Variants in MYBL1 observed in about 807,000 individuals in gnomAD.
MYBL1 encodes the protein myb-related protein A.
In MYBL1, 17 loss-of-function variants were observed where a neutral mutation model predicts 96.3. That is an observed-to-expected ratio of 0.18 (90% CI 0.12 to 0.26). The LOEUF (loss-of-function observed/expected upper bound fraction) is 0.26, where lower values mean the gene tolerates loss of function less well. Ranked by LOEUF, MYBL1 falls within the 10% of genes least tolerant of loss-of-function variation. The pLI is 1.00. For missense variants in MYBL1, 701 were observed against 882.9 expected (o/e 0.79, Z 2.61); for synonymous variants, 282 against 292.7 (o/e 0.96, Z 0.37).
intron 1 of MYBL1, among the ~76,000 whole-genome samples, chr8:66,605,540 G>A (rs1810278771): frequency 1.3e-5 from 2 of 152,160 alleles, no homozygotes; most frequent in African/African-American, 4.8e-5. Flanking sequence ...GAAATACAAG[G>A]CCAGGCGCAG....
At position 66,576,116 on chromosome 8, in the gene MYBL1, C is replaced by T. The variant is rs760647023; in HGVS notation, c.1361G>A (p.Arg454Gln). The T allele has an allele frequency of 4.9e-5, 79 of 1,613,934 alleles. 1 individual carries two copies. In the South Asian group the frequency reaches 7.1e-4, roughly 15 times the overall value. ...TTCGCTGCCTGGGGAATGACCCACT[C>T]GCATTTTTCTCTTCTTTCTGAGGAT... ...PAILRKKRKM[R>Q]VGHSPGSELR... is the part of the protein sequence containing the mutation. The change falls in exon 10 of 16, where the codon CGA (arginine) becomes CAA (glutamine). Residue 454 changes from arginine to glutamine, a missense_variant. Coordinates refer to ENST00000522677, the MANE Select transcript of MYBL1 (RefSeq NM_001080416.4).
At chr8:66,573,343 A>G in intron 11 of MYBL1, 21 bp downstream of exon 11, 2 of 1,585,272 alleles carry the variant, frequency 1.3e-6, no homozygotes, top group Non-Finnish European at 1.7e-6. Flanking sequence ...TCTCTAACAC[A>G]ATTATTTAAT....
At chr8:66,610,486 C>A (rs538994468) in intron 1 of MYBL1, among the ~76,000 whole-genome samples, 2 of 151,828 alleles carry the variant, frequency 1.3e-5, no homozygotes, top group African/African-American at 4.8e-5. Flanking sequence ...TTTTATACAG[C>A]AAAGTATAGT....
intron 1 of MYBL1, among the ~76,000 whole-genome samples, chr8:66,603,088 A>G (rs1432232931): frequency 6.6e-6 from 1 of 152,074 alleles, no homozygotes; most frequent in Non-Finnish European, 1.5e-5. Flanking sequence ...GAGGTTGGAT[A>G]TGCCACTACG....
rs1255761216 is a variant in MYBL1, at chr8:66,613,034, C to T, written c.-196G>A. 2 of 503,788 alleles carry T rather than the reference C, an allele frequency of 4.0e-6. No individual in the cohort carries two copies. The highest frequency in any genetic ancestry group is 6.3e-6 in the Non-Finnish European group (2 of 318,516). The allele number at this position is 503,788 out of a possible 1,614,324, so 31.2% of individuals were successfully genotyped here. A position where few individuals can be genotyped will look rare whatever the true frequency, so the allele number is the denominator to read the frequency against. ...GCGGACCGCGACCCGACCCCGACCC[C>T]GGCCCGCAGCGCCGCTCTTAGCCCC... On this transcript the variant is annotated 5_prime_UTR_variant, in exon 1 of 16. Coordinates refer to ENST00000522677, the MANE Select transcript of MYBL1 (RefSeq NM_001080416.4).
intron 8 of MYBL1, among the ~76,000 whole-genome samples, chr8:66,582,733 A>C (rs1809267312): frequency 6.6e-6 from 1 of 151,042 alleles, no homozygotes; most frequent in African/African-American, 2.4e-5. Context: ...AAAAAAAAAA[A>C]ACCCTATAAA....
At chr8:66,568,980 C>T (rs768151120) in intron 12 of MYBL1, among the ~76,000 whole-genome samples, 8 of 152,062 alleles carry the variant, frequency 5.3e-5, no homozygotes, top group East Asian at 3.9e-4. Flanking sequence ...GCCGAGATCG[C>T]GCCACTACAC....
intron 9 of MYBL1, among the ~76,000 whole-genome samples, chr8:66,577,319 C>T (rs1409732647): frequency 6.7e-6 from 1 of 148,306 alleles, no homozygotes; most frequent in African/African-American, 2.5e-5. Context: ...GATTGTATAT[C>T]TAGAAAACCC....
intron 3 of MYBL1, among the ~76,000 whole-genome samples, chr8:66,599,595 G>A (rs1318628495): frequency 6.6e-6 from 1 of 152,186 alleles, no homozygotes; most frequent in African/African-American, 2.4e-5. Flanking sequence ...GAGGTCTGGA[G>A]TTCGAGACCA....
intron 10 of MYBL1, 103 bp from the exon 11 acceptor site, chr8:66,573,609 A>G (rs928446265): frequency 6.8e-5 from 71 of 1,038,924 alleles, no homozygotes; most frequent in Admixed American, 2.9e-4. Context: ...TACCTCTTAA[A>G]AAAAGCTTAT....
intron 12 of MYBL1, among the ~76,000 whole-genome samples, chr8:66,568,305 A>T (rs924093546): frequency 1.3e-5 from 2 of 151,992 alleles, no homozygotes; most frequent in Admixed American, 1.3e-4. Flanking sequence ...TTGAGATGGA[A>T]TCTTGCTCTG....
rs1042490416 is a variant in MYBL1 at position 66,563,499 on chromosome 8, A to G, written c.*1198T>C. On this transcript the variant is annotated 3_prime_UTR_variant, in exon 16 of 16. Transcript: ENST00000522677. ...ACTGTTGTAACCTGTAGAGAAACACAAAACATTTAAAAAAGGACAAAATAT... is the reference window on the plus strand; with the variant it reads ...ACTGTTGTAACCTGTAGAGAAACACGAAACATTTAAAAAAGGACAAAATAT... 6.6e-6 allele frequency: 1 copy of G among 152,642 alleles called. No individual in the cohort carries two copies. Among genetic ancestry groups the G allele is most frequent in the African/African-American group, 2.4e-5 (1 of 41,468 alleles). 9.5% of individuals were successfully genotyped at this position (152,642 alleles called of 1,614,324 possible). A position where few individuals can be genotyped will look rare whatever the true frequency, so the allele number is the denominator to read the frequency against.
At chr8:66,585,218 T>A (rs1467597020) in intron 8 of MYBL1, among the ~76,000 whole-genome samples, 5 of 151,596 alleles carry the variant, frequency 3.3e-5, no homozygotes, top group Admixed American at 6.6e-5. Flanking sequence ...CAGAAATAAA[T>A]CCACGCATTT....
At chr8:66,583,894 A>C (rs1021339489) in intron 8 of MYBL1, among the ~76,000 whole-genome samples, 5 of 152,228 alleles carry the variant, frequency 3.3e-5, no homozygotes, top group African/African-American at 1.2e-4. Context: ...ATAAAGAAGA[A>C]CTATCAATTC....
chr8:66,594,703 T>C (rs1208513707), intron 6 of MYBL1, among the ~76,000 whole-genome samples: 1 of 152,216 alleles, frequency 6.6e-6, no homozygotes, highest in Non-Finnish European at 1.5e-5. Flanking sequence ...CAGATAATTA[T>C]ACTGTCTTCA....
At chr8:66,577,332 T>C (rs1337831458) in intron 9 of MYBL1, among the ~76,000 whole-genome samples, 3 of 146,742 alleles carry the variant, frequency 2.0e-5, no homozygotes, top group Non-Finnish European at 3.0e-5. Flanking sequence ...GAAAACCCCA[T>C]TGTCTCAGCC....
rs373705310 is a variant in MYBL1 at position 66,572,470 on chromosome 8, G to A, written c.1728+12C>T. 5.1e-4 allele frequency: 658 copies of A among 1,298,740 alleles called. No individual in the cohort carries two copies. The highest frequency in any genetic ancestry group is 6.2e-4 in the Non-Finnish European group (573 of 928,158). 80.5% of individuals were successfully genotyped at this position (1,298,740 alleles called of 1,614,324 possible). A position where few individuals can be genotyped will look rare whatever the true frequency, so the allele number is the denominator to read the frequency against. On this transcript the variant is annotated intron_variant, in intron 12 of 15. Transcript: ENST00000522677. ...TTAGGAAAATTATTAAAAATAAAATGAATATACATACCACAATTTTAAGAG... is the reference window on the plus strand; with the variant it reads ...TTAGGAAAATTATTAAAAATAAAATAAATATACATACCACAATTTTAAGAG...
rs1808528262 is a variant in MYBL1, at chr8:66,566,921, G to A, written c.1800C>T (p.Phe600=). Residue 600 remains phenylalanine (F), a synonymous_variant, in exon 13 of 16, where the codon TTC becomes TTT. Coordinates refer to ENST00000522677, the MANE Select transcript of MYBL1 (RefSeq NM_001080416.4). The part of the protein sequence containing the change: ...VLKEETGTDL[F]LKEEDEPAYK... Reference sequence around the variant, plus strand: ...AAGCAGGTTCATCTTCCTCTTTGAGGAATAGGTCTGTTCCAGTTTCTTCTT... The same window carrying A: ...AAGCAGGTTCATCTTCCTCTTTGAGAAATAGGTCTGTTCCAGTTTCTTCTT... 2.5e-6 allele frequency: 4 copies of A among 1,613,190 alleles called. No homozygotes were observed. Among genetic ancestry groups the A allele is most frequent in the Non-Finnish European group, 3.4e-6 (4 of 1,179,582 alleles).
At chr8:66,593,298 T>G (rs1809724347) in intron 6 of MYBL1, 104 bp from the exon 7 acceptor site, 2 of 637,136 alleles carry the variant, frequency 3.1e-6, no homozygotes, top group South Asian at 4.7e-5. Flanking sequence ...TATAAAAAAC[T>G]TAGAAAGTAC....
Sources: allele counts gnomAD v4.1 joint callset (sites outside exome capture counted in the v4.1 genomes callset), GRCh38; gene constraint gnomAD v4.1.1; transcripts MANE v1.5; gene names NCBI Gene and HGNC (gene_info 2026-07-23, HGNC 2026-07-21).